VRK2: variants seen among roughly 807,000 people sequenced by gnomAD.
The protein encoded by VRK2 is serine/threonine-protein kinase VRK2.
VRK2 carries 60 observed loss-of-function variants against 57.6 expected under a neutral mutation model. The observed-to-expected ratio is 1.04, with a 90% CI of 0.85 to 1.29. The LOEUF is 1.29. VRK2 is among the 50% of genes most tolerant of loss of function. VRK2 has a pLI of 0.00. For synonymous variants in VRK2, 231 were observed against 199.2 expected, an observed-to-expected ratio of 1.16 and a Z score of -1.35; for missense variants, 705 against 588.1, an observed-to-expected ratio of 1.20 and a Z score of -2.06.
At chr2:57,919,607 A>G (rs1288434451) in intron 1 of VRK2, among the ~76,000 whole-genome samples, 1 of 152,134 alleles carries the variant, frequency 6.6e-6, no homozygotes, top group Non-Finnish European at 1.5e-5. Context: ...ATAAAAATTC[A>G]TTCACAATCA....
chr2:58,042,160 G>C (rs552687888), upstream of VRK2, among the ~76,000 whole-genome samples: 1 of 152,186 alleles, frequency 6.6e-6, no homozygotes, highest in South Asian at 2.1e-4. Flanking sequence ...ATATTGATAT[G>C]ACATTTTAAA....
upstream of VRK2, among the ~76,000 whole-genome samples, chr2:58,046,001 G>A (rs941557866): frequency 1.3e-5 from 2 of 152,022 alleles, no homozygotes; most frequent in African/African-American, 4.8e-5. Flanking sequence ...CCGCCACCAC[G>A]CCTGGCTAAT....
chr2:58,091,671 A>G (rs1444088390), intron 7 of VRK2, among the ~76,000 whole-genome samples: 1 of 152,024 alleles, frequency 6.6e-6, no homozygotes, highest in Non-Finnish European at 1.5e-5. Context: ...GATAACAAAT[A>G]TTTGAGAATA....
At chr2:57,988,416 C>A (rs1014634535) in intron 1 of VRK2, among the ~76,000 whole-genome samples, 1 of 152,108 alleles carries the variant, frequency 6.6e-6, no homozygotes, top group African/African-American at 2.4e-5. Flanking sequence ...CATGACTGAG[C>A]TAAGATGCCT....
At chr2:58,065,119 A>G (rs940372357) in intron 2 of VRK2, among the ~76,000 whole-genome samples, 2 of 152,020 alleles carry the variant, frequency 1.3e-5, no homozygotes, top group African/African-American at 4.8e-5. Flanking sequence ...TCTATTTTGT[A>G]TTATGATTAT....
chr2:58,056,288 A>G (rs1266841823), intron 2 of VRK2, among the ~76,000 whole-genome samples: 5 of 152,172 alleles, frequency 3.3e-5, no homozygotes, highest in Non-Finnish European at 7.3e-5. Context: ...CGTTGTGAAT[A>G]CTTCAACGTA....
At position 58,097,170 on chromosome 2, in the gene VRK2, C is replaced by G. The variant is rs141168086; in HGVS notation, c.543+7447C>G. Among the ~76,000 whole-genome samples the G allele has an allele frequency of 2.8e-3, 428 of 152,144 alleles. 4 individuals carry two copies. The highest frequency in any genetic ancestry group is 9.4e-3 in the African/African-American group (391 of 41,556). On this transcript the variant is annotated intron_variant, in intron 7 of 12. Coordinates refer to ENST00000340157, the MANE Select transcript of VRK2 (RefSeq NM_006296.7). ...AAAATGCAGCAAAAATCCAAAAGAT[C>G]TACCTTATTCACTGTATTGTTTATG... is the stretch of plus-strand genomic sequence containing the variant.
Position 58,159,865 on chromosome 2 carries a change from CTAGAA to C in VRK2, c.*173_*177del, listed in dbSNP as rs1684836869. 2.5e-6 allele frequency: 4 copies of C among 1,600,818 alleles called. No homozygotes were observed. Among genetic ancestry groups the C allele is most frequent in the Non-Finnish European group, 3.4e-6 (4 of 1,174,372 alleles). ...CTCTAAAAAATAAAATTGCTTTGTA[CTAGAA>C]ATAGTGTCATAGAATAGTGTCATAG... On this transcript the variant is annotated 3_prime_UTR_variant, in exon 13 of 13. Transcript: ENST00000340157.
At chr2:58,030,835 C>A (rs540467459) in intron 2 of VRK2, among the ~76,000 whole-genome samples, 1 of 152,114 alleles carries the variant, frequency 6.6e-6, no homozygotes, top group African/African-American at 2.4e-5. Flanking sequence ...TAAGAAGAGG[C>A]AATGCAACTT....
rs551781046 is a variant in VRK2, at chr2:57,960,255, A to G, written c.-439+52416A>G. Reference sequence around the variant, plus strand: ...TTTACATACTTCATGTTGGAAGACAAAACACCTGCCAGAGATAACAATCAG... The same window carrying G: ...TTTACATACTTCATGTTGGAAGACAGAACACCTGCCAGAGATAACAATCAG... On this transcript the variant is annotated intron_variant, in intron 1 of 15. Transcript: ENST00000417641. Among the ~76,000 whole-genome samples, 169 of 152,254 alleles carry G rather than the reference A, an allele frequency of 1.1e-3. 1 individual carries two copies. Among genetic ancestry groups the G allele is most frequent in the African/African-American group, 3.9e-3 (162 of 41,542 alleles).
intron 1 of VRK2, among the ~76,000 whole-genome samples, chr2:57,915,879 C>T (rs1022676589): frequency 1.3e-5 from 2 of 152,104 alleles, no homozygotes; most frequent in Non-Finnish European, 2.9e-5. Flanking sequence ...GTCATAGGAC[C>T]ACAAACCCTG....
In VRK2 at chr2:57,968,346, C is replaced by A. The variant is rs73942259; in HGVS notation, c.-438-57319C>A. Among the ~76,000 whole-genome samples, 731 of 152,096 alleles carry A rather than the reference C, an allele frequency of 4.8e-3. 7 individuals are homozygous for A. The highest frequency in any genetic ancestry group is 0.017 in the African/African-American group (713 of 41,534). On this transcript the variant is annotated intron_variant, in intron 1 of 15. Transcript: ENST00000417641. ...GTAATCAAGGTGCAGAAAAAAGCAT[C>A]TCTCTCATCCAAGAAAATGTTTAAC...
chr2:58,130,177 A>T (rs904544601), intron 8 of VRK2, among the ~76,000 whole-genome samples: 3 of 152,160 alleles, frequency 2.0e-5, no homozygotes, highest in Non-Finnish European at 2.9e-5. Context: ...TTTTTCCTCA[A>T]AGGGCCTCTT....
intron 2 of VRK2, among the ~76,000 whole-genome samples, chr2:58,082,449 G>T (rs1671022571): frequency 6.6e-6 from 1 of 151,874 alleles, no homozygotes; most frequent in African/African-American, 2.4e-5. Flanking sequence ...AGGTAGCAAA[G>T]ACAAGTGCCT....
chr2:57,923,252 T>A (rs1349504291), intron 1 of VRK2, among the ~76,000 whole-genome samples: 4 of 152,044 alleles, frequency 2.6e-5, no homozygotes, highest in Non-Finnish European at 4.4e-5. Flanking sequence ...GTGAGATTGC[T>A]GGATCATATG....
chr2:58,102,563 C>T (rs899393896), intron 7 of VRK2, among the ~76,000 whole-genome samples: 3 of 148,922 alleles, frequency 2.0e-5, no homozygotes, highest in Admixed American at 1.3e-4. Context: ...CTATACCAGT[C>T]GTAAATATAC....
At chr2:57,996,666 A>G (rs1672932758) in intron 1 of VRK2, among the ~76,000 whole-genome samples, 1 of 152,222 alleles carries the variant, frequency 6.6e-6, no homozygotes, top group Non-Finnish European at 1.5e-5. Flanking sequence ...CTTTAGAAGT[A>G]ATGTCATCCA....
At chr2:58,126,805 C>G (rs1221917537) in intron 8 of VRK2, among the ~76,000 whole-genome samples, 1 of 151,744 alleles carries the variant, frequency 6.6e-6, no homozygotes, top group African/African-American at 2.4e-5. Context: ...GGCTTATTGT[C>G]TGATAATTAA....
chr2:57,972,726 G>A (rs562066594), intron 1 of VRK2, among the ~76,000 whole-genome samples: 5 of 151,866 alleles, frequency 3.3e-5, no homozygotes, highest in South Asian at 4.1e-4. Flanking sequence ...ATATAAATTT[G>A]TTTATCTTAA....
Sources: allele counts gnomAD v4.1 joint callset (sites outside exome capture counted in the v4.1 genomes callset), GRCh38; gene constraint gnomAD v4.1.1; transcripts MANE v1.5; gene names NCBI Gene and HGNC (gene_info 2026-07-23, HGNC 2026-07-21).